Variants in DENND2B observed in about 807,000 individuals in gnomAD.
The protein encoded by DENND2B is DENN domain containing 2B, also known as DENN domain-containing protein 2B.
A neutral mutation model predicts 116.0 loss-of-function variants in DENND2B; 32 were observed. The ratio of observed to expected loss-of-function variants is 0.28; its 90% CI spans 0.21 to 0.37. DENND2B has a LOEUF of 0.37. Ranked by LOEUF, DENND2B falls within the 10% of genes least tolerant of loss-of-function variation. The pLI is 1.00. For synonymous variants in DENND2B, 588 were observed against 583.9 expected (o/e 1.01, Z -0.10); for missense variants, 1,276 against 1,477.7 (o/e 0.86, Z 2.24).
At chr11:8,903,465 C>T (rs2064195851) in intron 1 of DENND2B, among the ~76,000 whole-genome samples, 1 of 127,792 alleles carries the variant, frequency 7.8e-6, no homozygotes, top group South Asian at 2.4e-4. Flanking sequence ...ACTAGACTGA[C>T]CAAGATGTTA....
chr11:8,766,679 C>T (rs186448132), intron 1 of DENND2B: 5 of 1,289,038 alleles, frequency 3.9e-6, no homozygotes, highest in African/African-American at 1.5e-5. Flanking sequence ...ATGCGCCCCA[C>T]CTCCATTCTT....
At chr11:8,861,477 G>T in intron 2 of DENND2B, among the ~76,000 whole-genome samples, 1 of 152,086 alleles carries the variant, frequency 6.6e-6, no homozygotes, top group Non-Finnish European at 1.5e-5. Flanking sequence ...AAACCACAAT[G>T]AAATACTCTA....
Position 8,717,886 on chromosome 11 carries a change from A to G in DENND2B, c.1484T>C (p.Leu495Pro). Residue 495 changes from leucine to proline, a missense_variant, in exon 5 of 20, where the codon CTG becomes CCG. Leu to Pro is a moderately conservative substitution (Grantham distance 98). Around this residue, in one of 2 missense-constraint regions of DENND2B, gnomAD observed 856 missense variants for 846.6 expected, o/e 1.01. Coordinates refer to ENST00000313726, the MANE Select transcript of DENND2B (RefSeq NM_213618.2). ...ATCCTCATATGGATTCTCCTTGGGC[A>G]GATCTCCTGCAGAGGAGGAAGAGTT... ...ENAYEDIVGD[L>P]PKENPYEDVD... 1 of 1,609,624 alleles carries G rather than the reference A, an allele frequency of 6.2e-7. No individual in the cohort carries two copies. The highest frequency in any genetic ancestry group is 8.5e-7 in the Non-Finnish European group (1 of 1,177,538).
chr11:8,712,107 C>A lies in DENND2B; in HGVS notation c.2172+444G>T. 2 of 400,908 alleles carry A rather than the reference C, an allele frequency of 5.0e-6. No homozygotes were observed. Among genetic ancestry groups the A allele is most frequent in the South Asian group, 1.8e-5 (1 of 56,816 alleles). The allele number at this position is 400,908 out of a possible 1,614,324, so 24.8% of individuals were successfully genotyped here. A position where few individuals can be genotyped will look rare whatever the true frequency, so the allele number is the denominator to read the frequency against. On this transcript the variant is annotated intron_variant, in intron 9 of 19. Transcript: ENST00000313726. The surrounding 1 kb of genome is among the most constrained non-coding windows in gnomAD (Gnocchi z 4.4). ...AGAAGAGGGAGGCCAGGCTGGCTGG[C>A]GACAAGCAGGGAAGGCGGAGTGAGA...
At chr11:8,872,169 C>A (rs2568067), upstream of DENND2B, among the ~76,000 whole-genome samples, 2,998 of 152,252 alleles carry the variant, frequency 0.02, 73 homozygotes, top group East Asian at 0.085. Flanking sequence ...AGCTGCAGGG[C>A]AAGCATCAAA....
In DENND2B at chr11:8,696,449, C is replaced by T. The variant is rs143547948; in HGVS notation, c.3270G>A (p.Glu1090=). 315 of 1,614,088 alleles carry T rather than the reference C, an allele frequency of 2.0e-4. No homozygotes were observed. The highest frequency in any genetic ancestry group is 2.5e-4 in the Non-Finnish European group (293 of 1,180,038). ...TACCCTTTGCCCGACACTTTCTTAG[C>T]TCCCTGTCTTGGATGAAGCCAGCAA... is the stretch of plus-strand genomic sequence containing the variant. The part of the protein sequence containing the change: ...QMFAGFIQDR[E]LRKCRAKGLF... The change falls in exon 18 of 20, where the codon GAG becomes GAA. Residue 1090 remains glutamate (E), a synonymous_variant. Transcript: ENST00000313726.
chr11:8,694,612 A>G (rs1285786729), intron 19 of DENND2B: 1 of 456,408 alleles, frequency 2.2e-6, no homozygotes, highest in African/African-American at 2.0e-5. Flanking sequence ...CCTGTCCTCC[A>G]TATCCATGAG....
Position 8,810,180 on chromosome 11 carries a change from G to A in DENND2B, c.-26+337C>T, listed in dbSNP as rs541214416. 162 of 151,888 alleles carry A rather than the reference G, an allele frequency of 1.1e-3. 1 individual carries two copies. The highest frequency in any genetic ancestry group is 3.7e-3 in the African/African-American group (152 of 41,388). The allele number at this position is 151,888 out of a possible 1,614,324, so 9.4% of individuals were successfully genotyped here. ...TCCCTGTAAGAACTACAAACACCACGGGAGTGATGTTAACTCAGATTTTTC... is the reference window on the plus strand; with the variant it reads ...TCCCTGTAAGAACTACAAACACCACAGGAGTGATGTTAACTCAGATTTTTC... On this transcript the variant is annotated intron_variant, in intron 1 of 19. Transcript: ENST00000313726.
chr11:8,744,354 G>C (rs1427620762), intron 2 of DENND2B, among the ~76,000 whole-genome samples: 1 of 151,846 alleles, frequency 6.6e-6, no homozygotes, highest in Non-Finnish European at 1.5e-5. Flanking sequence ...GGCTGGTCTC[G>C]AACTCCTGAT....
chr11:8,717,226 C>T (rs1166183250), intron 5 of DENND2B, among the ~76,000 whole-genome samples: 4 of 152,320 alleles, frequency 2.6e-5, no homozygotes, highest in East Asian at 1.9e-4. Flanking sequence ...TTCATGCTTA[C>T]TCTCTCCCAC....
chr11:8,764,633 A>G (rs1466605077), intron 1 of DENND2B, among the ~76,000 whole-genome samples: 2 of 152,308 alleles, frequency 1.3e-5, no homozygotes, highest in South Asian at 2.1e-4. Flanking sequence ...GCCACCCTCC[A>G]TCCCAAGTAC....
intron 1 of DENND2B, among the ~76,000 whole-genome samples, chr11:8,900,430 C>CAAA (rs3047629): frequency 2.6e-5 from 3 of 114,696 alleles, no homozygotes; most frequent in Non-Finnish European, 5.1e-5. Flanking sequence ...GACTCCATCT[C>CAAA]AAAAAAAAAA....
intron 2 of DENND2B, among the ~76,000 whole-genome samples, chr11:8,865,086 T>C (rs1036805445): frequency 6.6e-6 from 1 of 151,444 alleles, no homozygotes; most frequent in Non-Finnish European, 1.5e-5. Context: ...TTATTTCTAA[T>C]GCTACTAACA....
rs1344859446 is a variant in DENND2B at position 8,699,249 on chromosome 11, G to A, written c.2862C>T (p.Ser954=). The change falls in exon 15 of 20, where the codon AGC becomes AGT. Residue 954 remains serine (S), a synonymous_variant. Coordinates refer to ENST00000313726, the MANE Select transcript of DENND2B (RefSeq NM_213618.2). The stretch of plus-strand genomic sequence containing the variant: ...GCAGCTCCTTCAGTTTGGGGAGGGA[G>A]CTGGAGAGCAGGCCAACCAGGAAGG... ...PTPFLVGLLS[S]SLPKLKELPV... is the part of the protein sequence containing the mutation. 1 of 1,589,464 alleles carries A rather than the reference G, an allele frequency of 6.3e-7. No homozygotes were observed. Among genetic ancestry groups the A allele is most frequent in the East Asian group, 2.2e-5 (1 of 44,756 alleles).
At chr11:8,797,100 T>C (rs2059882090) in intron 1 of DENND2B, among the ~76,000 whole-genome samples, 3 of 152,194 alleles carry the variant, frequency 2.0e-5, no homozygotes, top group Admixed American at 1.3e-4. Context: ...CAAGAACACA[T>C]GCTTGGAATC....
chr11:8,804,921 T>C (rs527451780), intron 1 of DENND2B, among the ~76,000 whole-genome samples: 3 of 152,260 alleles, frequency 2.0e-5, no homozygotes, highest in Admixed American at 1.3e-4. Context: ...ACCAGCCCAC[T>C]CTCTTCAAAA....
intron 2 of DENND2B, among the ~76,000 whole-genome samples, chr11:8,731,463 GAC>G (rs1344597662): frequency 6.6e-6 from 1 of 152,206 alleles, no homozygotes; most frequent in African/African-American, 2.4e-5. Flanking sequence ...GTCTGAAACA[GAC>G]ACCTGTTCTG....
chr11:8,852,052 T>C (rs1297504358), intron 3 of DENND2B, among the ~76,000 whole-genome samples: 1 of 152,198 alleles, frequency 6.6e-6, no homozygotes, highest in South Asian at 2.1e-4. Context: ...TTGTTGCTTC[T>C]GGAGAGCAGA....
At chr11:8,876,970 AGAG>A (rs79052183) in intron 2 of DENND2B, among the ~76,000 whole-genome samples, 36,035 of 151,612 alleles carry the variant, frequency 0.24, 4,889 homozygotes, top group Middle Eastern at 0.45. Context: ...AGAGTAAATG[AGAG>A]GAGATGTCAG....
Sources: allele counts gnomAD v4.1 joint callset (sites outside exome capture counted in the v4.1 genomes callset), GRCh38; gene constraint gnomAD v4.1.1; regional missense constraint gnomAD v4.1.1; non-coding constraint Gnocchi (gnomAD v3.1); transcripts MANE v1.5; gene names NCBI Gene and HGNC (gene_info 2026-07-23, HGNC 2026-07-21).